BTBD9: variants seen among roughly 807,000 people sequenced by gnomAD.
BTBD9 encodes BTB/POZ domain-containing protein 9.
A neutral mutation model predicts 64.3 loss-of-function variants in BTBD9; 49 were observed. The ratio of observed to expected loss-of-function variants is 0.76; its 90% CI spans 0.61 to 0.97. BTBD9 has a LOEUF of 0.97. Ranked by LOEUF, BTBD9 falls within the 50% of genes least tolerant of loss-of-function variation. The pLI, the probability that BTBD9 is intolerant of heterozygous loss-of-function variation, is 0.00. For missense variants in BTBD9, 598 were observed against 762.1 expected (o/e 0.78, Z 2.53); for synonymous variants, 260 against 274.7 (o/e 0.95, Z 0.53).
intron 6 of BTBD9, among the ~76,000 whole-genome samples, chr6:38,397,017 T>A (rs773884228): frequency 2.7e-5 from 4 of 149,770 alleles, no homozygotes; most frequent in Non-Finnish European, 5.9e-5. Flanking sequence ...TTCTCAGGCC[T>A]CAGCTTCCCA....
chr6:38,576,734 A>G (rs935397828), intron 6 of BTBD9, among the ~76,000 whole-genome samples: 1 of 152,038 alleles, frequency 6.6e-6, no homozygotes. Context: ...CAAACTAATC[A>G]CTTTCTACCT....
chr6:38,288,475 A>C lies in BTBD9; in HGVS notation c.1265-14T>G, dbSNP rs776067531. ...TCTCCATGGGAACTGTGAATCCAAA[A>C]ACAAGATTTGGCATCAGGATAAGAG... is the stretch of plus-strand genomic sequence containing the variant. On this transcript the variant is annotated splice_polypyrimidine_tract_variant and intron_variant, in intron 7 of 10. Coordinates refer to ENST00000481247, the MANE Select transcript of BTBD9 (RefSeq NM_001099272.2). 2 of 1,613,070 alleles carry C rather than the reference A, an allele frequency of 1.2e-6. No homozygotes were observed. The highest frequency in any genetic ancestry group is 1.7e-5 in the Admixed American group (1 of 60,002).
chr6:38,405,403 A>C (rs1205629472), intron 6 of BTBD9, among the ~76,000 whole-genome samples: 1 of 152,248 alleles, frequency 6.6e-6, no homozygotes, highest in Non-Finnish European at 1.5e-5. Context: ...ACTTAGAAAA[A>C]GAATAGCTTC....
intron 10 of BTBD9, among the ~76,000 whole-genome samples, chr6:38,188,392 C>T (rs1483470824): frequency 6.6e-6 from 1 of 152,236 alleles, no homozygotes; most frequent in Non-Finnish European, 1.5e-5. Context: ...CTCCATGCTG[C>T]GCTTCCCCAC....
chr6:38,238,308 T>C (rs1242386845), intron 9 of BTBD9, among the ~76,000 whole-genome samples: 1 of 152,096 alleles, frequency 6.6e-6, no homozygotes. Flanking sequence ...GAGACGTCAA[T>C]CAAATACATG....
chr6:38,226,733 A>G (rs1468444212), intron 9 of BTBD9, among the ~76,000 whole-genome samples: 3 of 152,260 alleles, frequency 2.0e-5, no homozygotes, highest in African/African-American at 7.2e-5. Flanking sequence ...AGGGGTGAGG[A>G]CAGGTGTGTA....
chr6:38,588,290 A>T, intron 4 of BTBD9: 1 of 1,125,730 alleles, frequency 8.9e-7, no homozygotes, highest in Non-Finnish European at 1.4e-6. Context: ...GCCACACAGT[A>T]CCAGGCAAGC....
At chr6:38,313,835 C>T (rs148463010) in intron 7 of BTBD9, among the ~76,000 whole-genome samples, 24 of 151,252 alleles carry the variant, frequency 1.6e-4, no homozygotes, top group South Asian at 6.3e-4. Context: ...CTGCAACCTC[C>T]GCCTCCGGGG....
chr6:38,408,272 C>G (rs1381171355), intron 6 of BTBD9, among the ~76,000 whole-genome samples: 1 of 152,150 alleles, frequency 6.6e-6, no homozygotes, highest in Non-Finnish European at 1.5e-5. Flanking sequence ...GCAGGGGGAT[C>G]ACTTGAGCCC....
At chr6:38,357,292 G>C (rs1411901402) in intron 6 of BTBD9, among the ~76,000 whole-genome samples, 1 of 152,166 alleles carries the variant, frequency 6.6e-6, no homozygotes, top group Non-Finnish European at 1.5e-5. Flanking sequence ...GAATTCAGTA[G>C]CTTAGGATTC....
At chr6:38,339,688 C>G (rs1764028943) in intron 7 of BTBD9, among the ~76,000 whole-genome samples, 1 of 152,072 alleles carries the variant, frequency 6.6e-6, no homozygotes, top group South Asian at 2.1e-4. Flanking sequence ...GTAGAGAGGG[C>G]AGGAATAGAA....
chr6:38,580,305 T>A lies in BTBD9; in HGVS notation c.947A>T (p.Asp316Val). 1 of 1,614,226 alleles carries A rather than the reference T, an allele frequency of 6.2e-7. No individual in the cohort carries two copies. Among genetic ancestry groups the A allele is most frequent in the South Asian group, 1.1e-5 (1 of 91,088 alleles). The change falls in exon 5 of 11, where the codon GAT becomes GTT. Residue 316 changes from aspartate (D) to valine (V), a missense_variant. Coordinates refer to ENST00000481247, the MANE Select transcript of BTBD9 (RefSeq NM_001099272.2). ...AATCTCGATGCCGGAACGGCAGTCA[T>A]CATCAATTGGGTGCCTTGAAAATCC... ...DHGFSRHPID[D>V]DCRSGIEIKL... is the part of the protein sequence containing the mutation.
chr6:38,332,547 C>A (rs1763720675), intron 7 of BTBD9, among the ~76,000 whole-genome samples: 1 of 152,100 alleles, frequency 6.6e-6, no homozygotes, highest in Non-Finnish European at 1.5e-5. Context: ...CTATGCAGCA[C>A]TAATTTTAAC....
intron 6 of BTBD9, among the ~76,000 whole-genome samples, chr6:38,487,027 C>T (rs1228588719): frequency 6.6e-6 from 1 of 152,170 alleles, no homozygotes; most frequent in Non-Finnish European, 1.5e-5. Flanking sequence ...TTGAGATGGG[C>T]CCTGCTGAGA....
chr6:38,330,091 GT>G (rs1763615453), intron 7 of BTBD9, among the ~76,000 whole-genome samples: 2 of 150,150 alleles, frequency 1.3e-5, no homozygotes, highest in South Asian at 4.2e-4. Flanking sequence ...GTTTGGCTCT[GT>G]CACCCAGGCT....
chr6:38,507,599 ACT>A (rs964402555), intron 6 of BTBD9, among the ~76,000 whole-genome samples: 13 of 152,014 alleles, frequency 8.6e-5, no homozygotes, highest in Non-Finnish European at 4.4e-5. Flanking sequence ...CCTGTTCATC[ACT>A]CTTTCCTTCT....
chr6:38,382,041 G>A (rs1308600975), intron 6 of BTBD9, among the ~76,000 whole-genome samples: 1 of 152,024 alleles, frequency 6.6e-6, no homozygotes, highest in African/African-American at 2.4e-5. Context: ...CTAAAGTACT[G>A]GCAAAAACTG....
At chr6:38,369,492 G>A (rs1765330164) in intron 6 of BTBD9, among the ~76,000 whole-genome samples, 3 of 152,230 alleles carry the variant, frequency 2.0e-5, no homozygotes, top group African/African-American at 7.2e-5. Flanking sequence ...TCTAGACGTT[G>A]TGCAGCTTCA....
intron 9 of BTBD9, among the ~76,000 whole-genome samples, chr6:38,238,063 G>A (rs1339633317): frequency 6.6e-6 from 1 of 152,214 alleles, no homozygotes; most frequent in Non-Finnish European, 1.5e-5. Context: ...GAGGATTGCC[G>A]GAGGCTAGGT....
Sources: allele counts gnomAD v4.1 joint callset (sites outside exome capture counted in the v4.1 genomes callset), GRCh38; gene constraint gnomAD v4.1.1; transcripts MANE v1.5; gene names NCBI Gene and HGNC (gene_info 2026-07-23, HGNC 2026-07-21).